Variants in MUC5B observed in about 807,000 individuals in gnomAD.
MUC5B encodes mucin 5B, oligomeric mucus/gel-forming, also known as mucin-5B.
In MUC5B, 116 loss-of-function variants were observed where a neutral mutation model predicts 376.9. The observed-to-expected ratio is 0.31, with a 90% CI of 0.26 to 0.36. MUC5B has a LOEUF of 0.36. Among genes scored for constraint, MUC5B ranks in the 10% least tolerant of loss-of-function variants. The pLI is 1.00. For synonymous variants in MUC5B, 3,517 were observed against 3,390.9 expected (o/e 1.04, Z -1.29); for missense variants, 7,165 against 7,769.9 (o/e 0.92, Z 2.93).
At chr11:1,232,972 C>T (rs549839487) in intron 17 of MUC5B, 41 bp from the exon 18 acceptor site, 3 of 1,519,230 alleles carry the variant, frequency 2.0e-6, no homozygotes, top group African/African-American at 2.7e-5. Flanking sequence ...GGCCAGGCTG[C>T]TCGGCCGCTG....
chr11:1,236,661 G>A (rs2133818185), intron 24 of MUC5B, 99 bp downstream of exon 24: 1 of 1,317,422 alleles, frequency 7.6e-7, no homozygotes, highest in Non-Finnish European at 1.0e-6. Context: ...TGACCCGTGG[G>A]TGCGTGAGCC....
rs769426458 is a variant in MUC5B at position 1,243,008 on chromosome 11, C to T, written c.6128C>T (p.Pro2043Leu). 4.3e-6 allele frequency: 7 copies of T among 1,613,200 alleles called. No individual in the cohort carries two copies. The African/African-American group carries it at 9.4e-5, about 22-fold the overall frequency. Residue 2043 changes from proline to leucine, a missense_variant, in exon 31 of 49, where the codon CCA (proline) becomes CTA (leucine). Pro to Leu is a moderately conservative substitution (Grantham distance 98). Transcript: ENST00000529681. ...TCTGTGGCCACCCCCTCCTCCACCC[C>T]AGGAACAGCTCACACTACCAAAGTG... Reference protein sequence around the residue: ...TGSVATPSSTPGTAHTTKVPT... With the variant: ...TGSVATPSSTLGTAHTTKVPT...
At chr11:1,224,420 G>A (rs891618405) in intron 1 of MUC5B, among the ~76,000 whole-genome samples, 4 of 151,634 alleles carry the variant, frequency 2.6e-5, no homozygotes, top group African/African-American at 7.3e-5. Context: ...GGCACTGCAC[G>A]GAGCAGATAA....
intron 27 of MUC5B, 104 bp from the exon 28 acceptor site, chr11:1,239,695 C>T: frequency 6.7e-7 from 1 of 1,488,658 alleles, no homozygotes; most frequent in South Asian, 1.3e-5. Context: ...TGAGGGCAGG[C>T]CCCTGCTGGC....
intron 1 of MUC5B, among the ~76,000 whole-genome samples, chr11:1,224,744 G>A (rs1861843870): frequency 6.6e-6 from 1 of 152,134 alleles, no homozygotes; most frequent in Admixed American, 6.5e-5. Context: ...TCTGGAGGCG[G>A]CCCCTGTGGT....
intron 48 of MUC5B, 146 bp downstream of exon 48, chr11:1,260,874 C>G: frequency 1.5e-6 from 1 of 653,502 alleles, no homozygotes; most frequent in Non-Finnish European, 2.7e-6. Context: ...CAGGGCTCCC[C>G]CTCTCCACGT....
In MUC5B at chr11:1,235,175, T is replaced by C. The variant is rs1395177973; in HGVS notation, c.2721T>C (p.Asp907=). The C allele has an allele frequency of 6.2e-7, 1 of 1,612,968 alleles. No individual in the cohort carries two copies. Among genetic ancestry groups the C allele is most frequent in the Non-Finnish European group, 8.5e-7 (1 of 1,179,720 alleles). The change falls in exon 22 of 49, where the codon GAT becomes GAC. Residue 907 remains aspartate (D), a synonymous_variant. Transcript: ENST00000529681. The part of the protein sequence containing the change: ...AYGDGHFITF[D]GDRYSFEGSC... ...GGGATGGCCACTTCATCACCTTTGATGGCGATCGCTACAGCTTTGAAGGCA... is the reference window on the plus strand; with the variant it reads ...GGGATGGCCACTTCATCACCTTTGACGGCGATCGCTACAGCTTTGAAGGCA...
At chr11:1,224,255 T>G (rs1240193428) in intron 1 of MUC5B, among the ~76,000 whole-genome samples, 1 of 152,066 alleles carries the variant, frequency 6.6e-6, no homozygotes, top group Non-Finnish European at 1.5e-5. Flanking sequence ...GCAGGGACTG[T>G]GCTTTAGTCA....
In MUC5B at chr11:1,249,058, C is replaced by T. The variant is rs1369036804; in HGVS notation, c.12178C>T (p.Gln4060Ter). Reference protein sequence around the residue: ...HTPAATTGTTQHSTPALSSPH... With the variant: ...HTPAATTGTT ...CCCAGCAGCAACCACCGGTACCACC[C>T]AGCACTCGACTCCAGCCCTGTCCAG... is the stretch of plus-strand genomic sequence containing the variant. Residue 4060 changes from glutamine (Q) to a stop codon, truncating the protein, a stop_gained, in exon 31 of 49, where the codon CAG becomes TAG. Transcript: ENST00000529681. LOFTEE classifies it high-confidence loss of function. 1.2e-6 allele frequency: 2 copies of T among 1,610,712 alleles called. No homozygotes were observed. Among genetic ancestry groups the T allele is most frequent in the Non-Finnish European group, 1.7e-6 (2 of 1,179,458 alleles).
Position 1,240,959 on chromosome 11 carries a change from C to A in MUC5B, c.4079C>A (p.Thr1360Lys), listed in dbSNP as rs12363494. Residue 1360 changes from threonine to lysine, a missense_variant, in exon 31 of 49, where the codon ACG (threonine) becomes AAG (lysine). By Grantham distance (78) the Thr-to-Lys change is moderately conservative. Transcript: ENST00000529681. ...GGCCTGGGAGGCGGAGACTTTGAGA[C>A]GTTTGAAAACCTGAGGCAGAGAGGG... ...EPGLGGGDFETFENLRQRGYQ... is the reference protein window; with the variant it reads ...EPGLGGGDFEKFENLRQRGYQ... The A allele has an allele frequency of 6.2e-6, 10 of 1,613,266 alleles. No homozygotes were observed. The highest frequency in any genetic ancestry group is 2.2e-5 in the East Asian group (1 of 44,890).
rs1187871154 is a variant in MUC5B, at chr11:1,261,371, G to T, written c.17070-18G>T. Reference sequence around the variant, plus strand: ...CGGGGCCAAGGTGGCTGATGTGAGGGCCACCCTGCGTCCACAGGTACTCAG... The same window carrying T: ...CGGGGCCAAGGTGGCTGATGTGAGGTCCACCCTGCGTCCACAGGTACTCAG... On this transcript the variant is annotated intron_variant, in intron 48 of 48. Transcript: ENST00000529681. The T allele has an allele frequency of 1.3e-6, 2 of 1,536,312 alleles. No homozygotes were observed. The highest frequency in any genetic ancestry group is 1.4e-5 in the African/African-American group (1 of 72,946).
chr11:1,257,282 C>T lies in MUC5B; in HGVS notation c.16269+11C>T. 2.6e-6 allele frequency: 2 copies of T among 780,936 alleles called. No homozygotes were observed. Among genetic ancestry groups the T allele is most frequent in the Non-Finnish European group, 4.8e-6 (2 of 419,252 alleles). The allele number at this position is 780,936 out of a possible 1,614,324, so 48.4% of individuals were successfully genotyped here. A position where few individuals can be genotyped will look rare whatever the true frequency, so the allele number is the denominator to read the frequency against. On this transcript the variant is annotated intron_variant, in intron 40 of 48. Coordinates refer to ENST00000529681, the MANE Select transcript of MUC5B (RefSeq NM_002458.3). This position sits in a 1 kb window ranked among gnomAD's most constrained non-coding sequence, Gnocchi z 8.9. Reference sequence around the variant, plus strand: ...GGGTTTCCTAAATTTGTGAGTGGCTCCACCCCCACCTGCCCTACCCCACCC... The same window carrying T: ...GGGTTTCCTAAATTTGTGAGTGGCTTCACCCCCACCTGCCCTACCCCACCC...
At position 1,260,352 on chromosome 11, in the gene MUC5B, G is replaced by C. The variant is rs1862966959; in HGVS notation, c.16925G>C (p.Gly5642Ala). ...CCCCCTGTCTTTGGCCCCCACCAGG[G>C]GAGCCTCAGGAAAACCGGCTGCTGC... is the stretch of plus-strand genomic sequence containing the variant. ...ASCPDVSSCR[G>A]SLRKTGCCYS... The change falls in exon 47 of 49, where the codon GGG becomes GCG. Residue 5642 changes from glycine (G) to alanine (A), a missense_variant and splice_region_variant. Coordinates refer to ENST00000529681, the MANE Select transcript of MUC5B (RefSeq NM_002458.3). 1 of 1,612,478 alleles carries C rather than the reference G, an allele frequency of 6.2e-7. No individual in the cohort carries two copies. Among genetic ancestry groups the C allele is most frequent in the African/African-American group, 1.3e-5 (1 of 75,054 alleles).
In MUC5B at chr11:1,247,298, C is replaced by T. The variant is rs202008769; in HGVS notation, c.10418C>T (p.Ser3473Leu). The T allele has an allele frequency of 2.6e-4, 423 of 1,611,654 alleles. 1 individual carries two copies. In the African/African-American group the frequency reaches 3.0e-3, roughly 12 times the overall value. The change falls in exon 31 of 49, where the codon TCG becomes TTG. Residue 3473 changes from serine (S) to leucine (L), a missense_variant. Ser to Leu is a moderately radical substitution (Grantham distance 145). Transcript: ENST00000529681. ...SPHTVRTAWT[S>L]ATSGILGTTH... ...CACACGGTGCGCACAGCCTGGACTT[C>T]GGCCACCTCGGGCATCTTGGGCACC...
At position 1,233,178 on chromosome 11, in the gene MUC5B, G is replaced by A; in HGVS notation, c.2231G>A (p.Gly744Asp). ...GCGGGCACCTTCCTCAATGACGCGG[G>A]CGCCTGTGTGCCCGCCCAGGAGTGC... ...CPAGTFLNDA[G>D]ACVPAQECPC... Residue 744 changes from glycine to aspartate, a missense_variant, in exon 18 of 49, where the codon GGC becomes GAC. Transcript: ENST00000529681. 3.7e-6 allele frequency: 6 copies of A among 1,604,456 alleles called. No individual in the cohort carries two copies. Among genetic ancestry groups the A allele is most frequent in the Non-Finnish European group, 4.2e-6 (5 of 1,178,674 alleles).
rs200172415 is a variant in MUC5B at position 1,242,472 on chromosome 11, C to G, written c.5592C>G (p.Gly1864=). The G allele has an allele frequency of 1.8e-5, 29 of 1,613,792 alleles. No individual in the cohort carries two copies. The highest frequency in any genetic ancestry group is 2.5e-5 in the Non-Finnish European group (29 of 1,179,820). The part of the protein sequence containing the change: ...GLTCKNEDQT[G]RFNMCFNYNV... ...CCTGCAAGAACGAAGACCAGACAGG[C>G]AGGTTCAACATGTGCTTCAACTACA... The change falls in exon 31 of 49, where the codon GGC becomes GGG. Residue 1864 remains glycine (G), a synonymous_variant. Coordinates refer to ENST00000529681, the MANE Select transcript of MUC5B (RefSeq NM_002458.3).
At chr11:1,260,143 C>T in intron 46 of MUC5B, 58 bp downstream of exon 46, 2 of 1,591,812 alleles carry the variant, frequency 1.3e-6, no homozygotes, top group Non-Finnish European at 1.7e-6. Context: ...GGAGGCCCAA[C>T]CCCTGTCTGG....
chr11:1,247,095 C>T lies in MUC5B; in HGVS notation c.10215C>T (p.Asn3405=), dbSNP rs1324674427. ...TTITATGSTT[N]PSSTPGTTPI... is the part of the protein sequence containing the mutation. Reference sequence around the variant, plus strand: ...TCACAGCCACCGGCTCCACCACCAACCCCTCCTCAACTCCAGGGACAACTC... The same window carrying T: ...TCACAGCCACCGGCTCCACCACCAATCCCTCCTCAACTCCAGGGACAACTC... The change falls in exon 31 of 49, where the codon AAC becomes AAT. Residue 3405 remains asparagine (N), a synonymous_variant. Coordinates refer to ENST00000529681, the MANE Select transcript of MUC5B (RefSeq NM_002458.3). 1.9e-6 allele frequency: 3 copies of T among 1,563,422 alleles called. No individual in the cohort carries two copies. Among genetic ancestry groups the T allele is most frequent in the Non-Finnish European group, 2.6e-6 (3 of 1,154,294 alleles).
chr11:1,225,998 ATG>A (rs1487825541), intron 2 of MUC5B, among the ~76,000 whole-genome samples: 1 of 152,218 alleles, frequency 6.6e-6, no homozygotes, highest in African/African-American at 2.4e-5. Context: ...TGGCACACAC[ATG>A]TGTGCACACA....
Sources: gnomAD v4.1 joint callset for allele counts (sites outside exome capture counted in the v4.1 genomes callset) on GRCh38, gnomAD v4.1.1 for gene constraint, Gnocchi (gnomAD v3.1) non-coding constraint, MANE v1.5 for transcripts, NCBI Gene and HGNC (gene_info 2026-07-23, HGNC 2026-07-21) for gene names.